The following LAIR1 variants were observed in gnomAD, a reference collection of about 807,000 sequenced individuals.
The protein encoded by LAIR1 is leukocyte associated immunoglobulin like receptor 1, also known as leukocyte-associated immunoglobulin-like receptor 1.
LAIR1 carries 24 observed loss-of-function variants against 32.8 expected under a neutral mutation model. That is an observed-to-expected ratio of 0.73 (90% CI 0.53 to 1.03). The LOEUF is 1.03. Among genes scored for constraint, LAIR1 ranks in the 50% least tolerant of loss-of-function variants. The probability of loss-of-function intolerance (pLI) is 0.00; values close to 1 mark genes in which losing one functional copy is unlikely to be tolerated. For synonymous variants in LAIR1, 150 were observed against 140.5 expected, an observed-to-expected ratio of 1.07 and a Z score of -0.48; for missense variants, 355 against 347.5, an observed-to-expected ratio of 1.02 and a Z score of -0.17.
rs751454766 is a variant in LAIR1 at position 54,356,600 on chromosome 19, G to GC, written c.473dup (p.Leu159ProfsTer4). On this transcript the variant is annotated frameshift_variant, in exon 6 of 10. Transcript: ENST00000391742. LOFTEE classifies it high-confidence loss of function. ...GAATATACAGATGCTCAGCTTTCAG[G>GC]CCTTGGGAAGCAGGTGCATCTAAGA... 1.2e-6 allele frequency: 2 copies of GC among 1,613,734 alleles called. No homozygotes were observed. The highest frequency in any genetic ancestry group is 2.2e-5 in the South Asian group (2 of 91,064).
upstream of LAIR1, chr19:54,368,686 T>G (rs2082327616): frequency 6.6e-6 from 1 of 151,690 alleles, no homozygotes; most frequent in African/African-American, 2.4e-5. Flanking sequence ...TGTTGACTGA[T>G]TTATTTATTT....
At chr19:54,371,344 G>T (rs2082401900), upstream of LAIR1, among the ~76,000 whole-genome samples, 1 of 151,362 alleles carries the variant, frequency 6.6e-6, no homozygotes, top group South Asian at 2.1e-4. Context: ...GGTCACCGAG[G>T]CTGGAGTGCA....
In LAIR1 at chr19:54,351,961, C is replaced by T. The variant is rs943383660; in HGVS notation, c.*3307G>A. 3 of 152,120 alleles carry T rather than the reference C, an allele frequency of 2.0e-5. No individual in the cohort carries two copies. Among genetic ancestry groups the T allele is most frequent in the Admixed American group, 2.0e-4 (3 of 15,266 alleles). 9.4% of individuals were successfully genotyped at this position (152,120 alleles called of 1,614,324 possible). A position where few individuals can be genotyped will look rare whatever the true frequency, so the allele number is the denominator to read the frequency against. ...TGTTCATGCTGTATTCAACGTCGAG[C>T]CCATTTTCTTTCCCCTACTACAAAA... On this transcript the variant is annotated 3_prime_UTR_variant, in exon 10 of 10. Coordinates refer to ENST00000391742, the MANE Select transcript of LAIR1 (RefSeq NM_002287.6).
At chr19:54,361,364 G>C (rs1310085562) in intron 2 of LAIR1, 155 bp from the exon 3 acceptor site, 7 of 770,766 alleles carry the variant, frequency 9.1e-6, no homozygotes, top group Non-Finnish European at 1.5e-5. Flanking sequence ...CACGCCTCCT[G>C]CACCTTCTAC....
At chr19:54,368,314 A>G (rs1224631793), upstream of LAIR1, 3 of 152,164 alleles carry the variant, frequency 2.0e-5, no homozygotes, top group African/African-American at 4.8e-5. Context: ...TCACTCACCA[A>G]CTTCTCATGG....
At chr19:54,367,412 A>T (rs1454970046), upstream of LAIR1, among the ~76,000 whole-genome samples, 2 of 152,198 alleles carry the variant, frequency 1.3e-5, no homozygotes, top group Non-Finnish European at 2.9e-5. Flanking sequence ...TCTAAAAAAT[A>T]ACAATAAACC....
At chr19:54,363,582 G>A (rs1379071990) in intron 2 of LAIR1, among the ~76,000 whole-genome samples, 3 of 152,202 alleles carry the variant, frequency 2.0e-5, no homozygotes, top group Non-Finnish European at 2.9e-5. Flanking sequence ...TGAGGAGAAT[G>A]TGCTGTGTAT....
chr19:54,356,641 T>G, intron 5 of LAIR1, 22 bp from the exon 6 acceptor site: 1 of 1,612,768 alleles, frequency 6.2e-7, no homozygotes. Context: ...AGAAACAGGA[T>G]TTCAGCAGTG....
At chr19:54,367,259 T>C (rs963173671), upstream of LAIR1, among the ~76,000 whole-genome samples, 5 of 152,182 alleles carry the variant, frequency 3.3e-5, no homozygotes, top group Non-Finnish European at 7.3e-5. Context: ...GTGGTGACAG[T>C]AATGATCACA....
rs756394886 is a variant in LAIR1 at position 54,355,457 on chromosome 19, G to A, written c.718-43C>T. The stretch of plus-strand genomic sequence containing the variant: ...AGGGTGAGGGAGTGCCTGGTGGAGG[G>A]TGAGACGAGGGGCTGTGGGGAGGGA... On this transcript the variant is annotated intron_variant, in intron 9 of 9. Coordinates refer to ENST00000391742, the MANE Select transcript of LAIR1 (RefSeq NM_002287.6). This position sits in a 1 kb window ranked among gnomAD's most constrained non-coding sequence, Gnocchi z 4.7. 3.9e-6 allele frequency: 6 copies of A among 1,543,766 alleles called. No homozygotes were observed. The highest frequency in any genetic ancestry group is 5.2e-6 in the Non-Finnish European group (6 of 1,143,632).
At chr19:54,363,770 G>C (rs945015579) in intron 2 of LAIR1, among the ~76,000 whole-genome samples, 7 of 152,220 alleles carry the variant, frequency 4.6e-5, no homozygotes, top group Non-Finnish European at 7.3e-5. Context: ...AAGCAGAGTA[G>C]AATGGTGGTT....
At chr19:54,366,105 C>T (rs866556913), upstream of LAIR1, among the ~76,000 whole-genome samples, 22 of 151,924 alleles carry the variant, frequency 1.4e-4, no homozygotes, top group Admixed American at 2.6e-4. Context: ...ATGGTGGTTA[C>T]GGGGGCTGGG....
chr19:54,358,633 G>C (rs770763633), intron 4 of LAIR1: 3 of 1,588,500 alleles, frequency 1.9e-6, no homozygotes, highest in Non-Finnish European at 2.6e-6. Context: ...TCCCTGTGAG[G>C]ACAAAATACT....
upstream of LAIR1, among the ~76,000 whole-genome samples, chr19:54,365,303 G>A (rs1053241645): frequency 3.3e-5 from 5 of 151,660 alleles, no homozygotes; most frequent in Non-Finnish European, 1.5e-5. Context: ...TATTTAACAC[G>A]TTAAAAATAT....
rs2081621580 is a variant in LAIR1 at position 54,354,703 on chromosome 19, GC to G, written c.*564del. ...GAGGCCTTCAAAATTATTTATTGAT[GC>G]GTGGAGTAAAGCACAACCCAGAGAA... On this transcript the variant is annotated 3_prime_UTR_variant, in exon 10 of 10. Coordinates refer to ENST00000391742, the MANE Select transcript of LAIR1 (RefSeq NM_002287.6). 2 of 152,288 alleles carry G rather than the reference GC, an allele frequency of 1.3e-5. No individual in the cohort carries two copies. The highest frequency in any genetic ancestry group is 6.5e-5 in the Admixed American group (1 of 15,276). 9.4% of individuals were successfully genotyped at this position (152,288 alleles called of 1,614,324 possible).
chr19:54,371,401 C>T (rs1302741627), upstream of LAIR1, among the ~76,000 whole-genome samples: 4 of 151,252 alleles, frequency 2.6e-5, 1 homozygote, highest in East Asian at 1.9e-4. Context: ...CAGGCTCCAG[C>T]GATCCTCCTG....
chr19:54,362,066 T>C (rs1361187649), intron 2 of LAIR1, among the ~76,000 whole-genome samples: 1 of 151,700 alleles, frequency 6.6e-6, no homozygotes, highest in African/African-American at 2.4e-5. Context: ...CTGCATGTAT[T>C]TAAGGTGTAC....
upstream of LAIR1, among the ~76,000 whole-genome samples, chr19:54,365,591 G>C (rs960131231): frequency 1.3e-5 from 2 of 152,148 alleles, no homozygotes; most frequent in African/African-American, 4.8e-5. Context: ...ATAAATTCGA[G>C]ACCAGCCTGG....
At chr19:54,360,813 A>G in intron 3 of LAIR1, 103 bp downstream of exon 3, 1 of 1,136,316 alleles carries the variant, frequency 8.8e-7, no homozygotes, top group South Asian at 1.4e-5. Flanking sequence ...GGAGGAGGAC[A>G]AGGTTGGCCA....
Sources: allele counts gnomAD v4.1 joint callset (sites outside exome capture counted in the v4.1 genomes callset), GRCh38; gene constraint gnomAD v4.1.1; non-coding constraint Gnocchi (gnomAD v3.1); transcripts MANE v1.5; gene names NCBI Gene and HGNC (gene_info 2026-07-23, HGNC 2026-07-21).